Variants in TXNRD2 observed in about 807,000 individuals in gnomAD.
TXNRD2 encodes thioredoxin reductase 2, mitochondrial.
TXNRD2 carries 67 observed loss-of-function variants against 70.8 expected under a neutral mutation model. That is an observed-to-expected ratio of 0.95 (90% confidence interval 0.78 to 1.16). TXNRD2 has a LOEUF of 1.16. Among genes scored for constraint, TXNRD2 ranks in the 50% most tolerant of loss-of-function variants. The pLI, the probability that TXNRD2 is intolerant of heterozygous loss-of-function variation, is 0.00. For missense variants in TXNRD2, 644 were observed against 719.9 expected (o/e 0.89, Z 1.21); for synonymous variants, 301 against 295.8 (o/e 1.02, Z -0.18).
chr22:19,941,275 G>A (rs1306903857), intron 1 of TXNRD2, among the ~76,000 whole-genome samples: 2 of 152,158 alleles, frequency 1.3e-5, no homozygotes, highest in Non-Finnish European at 2.9e-5. Flanking sequence ...GGGGCTCCAG[G>A]AGGACGAGTG....
chr22:19,933,805 C>T (rs1941449794), intron 1 of TXNRD2, among the ~76,000 whole-genome samples: 1 of 152,334 alleles, frequency 6.6e-6, no homozygotes, highest in South Asian at 2.1e-4. Context: ...ACCACCTGTG[C>T]ACTCCAGTGT....
intron 12 of TXNRD2, chr22:19,881,406 C>G (rs879127252): frequency 4.1e-6 from 1 of 243,194 alleles, no homozygotes; most frequent in Non-Finnish European, 7.8e-6. Flanking sequence ...TCCCGGCGGG[C>G]GGCGCACAGC....
chr22:19,932,132 G>A (rs1444774577), intron 1 of TXNRD2, among the ~76,000 whole-genome samples: 2 of 141,874 alleles, frequency 1.4e-5, no homozygotes, highest in African/African-American at 2.7e-5. Context: ...CTGCACTCCA[G>A]CCTGGGAGAC....
chr22:19,915,897 CA>C (rs1195716370), intron 5 of TXNRD2, 54 bp from the exon 6 acceptor site: 1 of 1,505,558 alleles, frequency 6.6e-7, no homozygotes, highest in Non-Finnish European at 9.2e-7. Context: ...TAAACCTCAC[CA>C]ACTGGATCAA....
chr22:19,920,957 A>G (rs1940884180), intron 2 of TXNRD2, among the ~76,000 whole-genome samples: 1 of 152,036 alleles, frequency 6.6e-6, no homozygotes, highest in African/African-American at 2.4e-5. Context: ...CAAAAACAAA[A>G]TTAGTTGGGC....
chr22:19,913,955 A>G (rs937511634), intron 7 of TXNRD2, among the ~76,000 whole-genome samples: 7 of 152,256 alleles, frequency 4.6e-5, no homozygotes, highest in African/African-American at 1.7e-4. Flanking sequence ...TCAAAGAATA[A>G]GAGTCTACAA....
chr22:19,941,376 C>CT (rs1228723331), intron 1 of TXNRD2, among the ~76,000 whole-genome samples: 1 of 152,170 alleles, frequency 6.6e-6, no homozygotes, highest in Non-Finnish European at 1.5e-5. Context: ...GGGCCGGTGC[C>CT]TGGTGACCTC....
chr22:19,931,822 G>T (rs534696925), intron 1 of TXNRD2, among the ~76,000 whole-genome samples: 1 of 151,934 alleles, frequency 6.6e-6, no homozygotes, highest in African/African-American at 2.4e-5. Context: ...TCAAGTCCAC[G>T]TGCCTTTCAG....
intron 1 of TXNRD2, chr22:19,932,326 T>C: frequency 6.2e-7 from 1 of 1,612,510 alleles, no homozygotes; most frequent in Non-Finnish European, 8.5e-7. Flanking sequence ...TCCCTGGAAT[T>C]CCTTTTGGGC....
At chr22:19,923,466 G>A (rs544741765) in intron 2 of TXNRD2, among the ~76,000 whole-genome samples, 20 of 152,144 alleles carry the variant, frequency 1.3e-4, no homozygotes, top group South Asian at 4.1e-4. Flanking sequence ...CCTTGAACTC[G>A]GTCACATCAA....
At position 19,898,097 on chromosome 22, in the gene TXNRD2, C is replaced by T; in HGVS notation, c.716G>A (p.Gly239Glu). 1.3e-6 allele frequency: 2 copies of T among 1,567,452 alleles called. No individual in the cohort carries two copies. The highest frequency in any genetic ancestry group is 8.6e-7 in the Non-Finnish European group (1 of 1,156,490). ...VALECAGFLT[G>E]IGLDTTIMMR... ...CATGATGGTGGTGTCCAGCCCAATC[C>T]CGGTGAGGAAGCCAGCACACTCCAG... The change falls in exon 10 of 18, where the codon GGG (glycine) becomes GAG (glutamate). Residue 239 changes from glycine to glutamate, a missense_variant. Physicochemically the swap from Gly to Glu is moderately conservative, Grantham distance 98. Coordinates refer to ENST00000400521, the MANE Select transcript of TXNRD2 (RefSeq NM_006440.5).
chr22:19,931,194 G>T, intron 1 of TXNRD2, 96 bp from the exon 2 acceptor site: 1 of 1,129,768 alleles, frequency 8.9e-7, no homozygotes, highest in Non-Finnish European at 1.3e-6. Context: ...TTCTGTGATG[G>T]TCAGGGGTGA....
At chr22:19,932,588 TGAAG>T (rs980807223) in intron 1 of TXNRD2, 1 of 1,445,624 alleles carries the variant, frequency 6.9e-7, no homozygotes, top group African/African-American at 1.4e-5. Context: ...AACTCCCTGC[TGAAG>T]GAAGGAAGAA....
chr22:19,901,313 A>G (rs896306363), intron 8 of TXNRD2, among the ~76,000 whole-genome samples: 2 of 152,186 alleles, frequency 1.3e-5, no homozygotes, highest in Admixed American at 1.3e-4. Flanking sequence ...GGCCACCTTC[A>G]AAGTCACAGG....
chr22:19,883,291 G>A (rs1411948835), intron 12 of TXNRD2, 34 bp downstream of exon 12: 2 of 1,608,488 alleles, frequency 1.2e-6, no homozygotes, highest in African/African-American at 1.3e-5. Flanking sequence ...AGCAGGCAGG[G>A]GCAGGGGCCC....
At chr22:19,933,337 C>T (rs761441126) in intron 1 of TXNRD2, 258 of 751,212 alleles carry the variant, frequency 3.4e-4, no homozygotes, top group Admixed American at 5.9e-4. Flanking sequence ...GGAGAAAATG[C>T]CACCAGGTCC....
chr22:19,892,803 G>C (rs919110276), intron 11 of TXNRD2, among the ~76,000 whole-genome samples: 5 of 152,168 alleles, frequency 3.3e-5, no homozygotes, highest in African/African-American at 1.2e-4. Context: ...ACAGTAGGAG[G>C]ATAAATTTTG....
At chr22:19,916,579 T>G (rs1280054098) in intron 5 of TXNRD2, among the ~76,000 whole-genome samples, 3 of 151,934 alleles carry the variant, frequency 2.0e-5, no homozygotes, top group Non-Finnish European at 4.4e-5. Context: ...TGACCTCAAG[T>G]GATCCACCCA....
chr22:19,885,389 C>G (rs2145944580), intron 11 of TXNRD2, among the ~76,000 whole-genome samples: 1 of 152,338 alleles, frequency 6.6e-6, no homozygotes, highest in African/African-American at 2.4e-5. Flanking sequence ...AGAGGGAACC[C>G]TTAAGTCTCC....
Sources: allele counts gnomAD v4.1 joint callset (sites outside exome capture counted in the v4.1 genomes callset), GRCh38; gene constraint gnomAD v4.1.1; transcripts MANE v1.5; gene names NCBI Gene and HGNC (gene_info 2026-07-23, HGNC 2026-07-21).